THRAP3: variants seen among roughly 807,000 people sequenced by gnomAD.
THRAP3 encodes the protein thyroid hormone receptor-associated protein 3.
THRAP3 carries 16 observed loss-of-function variants against 101.0 expected under a neutral mutation model. The observed-to-expected ratio is 0.16, with a 90% CI of 0.11 to 0.24. THRAP3 has a LOEUF of 0.24. Ranked by LOEUF, THRAP3 falls within the 10% of genes least tolerant of loss-of-function variation. THRAP3 has a pLI of 1.00. For synonymous variants in THRAP3, 407 were observed against 422.6 expected (o/e 0.96, Z 0.45); for missense variants, 989 against 1,202.7 (o/e 0.82, Z 2.63).
Position 36,293,932 on chromosome 1 carries a change from C to T in THRAP3, c.2112C>T (p.Tyr704=), listed in dbSNP as rs774918390. 2.4e-5 allele frequency: 38 copies of T among 1,613,258 alleles called. No individual in the cohort carries two copies. In the Admixed American group the frequency reaches 3.8e-4, roughly 16 times the overall value. Residue 704 remains tyrosine, a synonymous_variant, in exon 8 of 12, where the codon TAC becomes TAT. Coordinates refer to ENST00000354618, the MANE Select transcript of THRAP3 (RefSeq NM_005119.4). ...DEMKSPREPG[Y]KAEGKYKDDP... Reference sequence around the variant, plus strand: ...TGAAAAGTCCCCGGGAACCTGGCTACAAGGTGAACTGTTGATTTGATCAGT... The same window carrying T: ...TGAAAAGTCCCCGGGAACCTGGCTATAAGGTGAACTGTTGATTTGATCAGT...
chr1:36,236,536 TC>T (rs1360428481), intron 1 of THRAP3, among the ~76,000 whole-genome samples: 1 of 151,734 alleles, frequency 6.6e-6, no homozygotes, highest in Non-Finnish European at 1.5e-5. Flanking sequence ...GCTTAACTGA[TC>T]CTCCCACTTC....
chr1:36,228,606 C>T (rs956192875), intron 1 of THRAP3, among the ~76,000 whole-genome samples: 3 of 152,054 alleles, frequency 2.0e-5, no homozygotes, highest in Non-Finnish European at 2.9e-5. Flanking sequence ...CCAACGGGCT[C>T]GGCCTTCTAA....
upstream of THRAP3, among the ~76,000 whole-genome samples, chr1:36,220,585 A>G (rs186970091): frequency 8.5e-4 from 129 of 152,256 alleles, no homozygotes; most frequent in Non-Finnish European, 1.4e-3. Context: ...GAATGAATAA[A>G]TGAACCCAGC....
chr1:36,284,596 T>C (rs1391358155), intron 3 of THRAP3, among the ~76,000 whole-genome samples: 1 of 152,230 alleles, frequency 6.6e-6, no homozygotes, highest in African/African-American at 2.4e-5. Flanking sequence ...GAAAATTGAT[T>C]ATTTCCTTGT....
rs1293309604 is a variant in THRAP3 at position 36,291,416 on chromosome 1, T to A, written c.1788T>A (p.Asp596Glu). Residue 596 changes from aspartate to glutamate, a missense_variant, in exon 6 of 12, where the codon GAT becomes GAA. By Grantham distance (45) the Asp-to-Glu change is conservative (BLOSUM62 2). Coordinates refer to ENST00000354618, the MANE Select transcript of THRAP3 (RefSeq NM_005119.4). ...CTCAGGAACGCAAGCTTTGCCGAGA[T>A]CTAGTCCATAGCAACAAAAAGGAAC... The part of the protein sequence containing the change: ...LLAQERKLCR[D>E]LVHSNKKEQE... The A allele has an allele frequency of 6.2e-7, 1 of 1,614,080 alleles. No homozygotes were observed. The highest frequency in any genetic ancestry group is 1.3e-5 in the African/African-American group (1 of 74,942).
At chr1:36,241,578 T>A (rs889113037) in intron 1 of THRAP3, among the ~76,000 whole-genome samples, 6 of 125,826 alleles carry the variant, frequency 4.8e-5, no homozygotes, top group East Asian at 2.2e-4. Flanking sequence ...TCCGCTAAAA[T>A]TTTTTTTTTT....
intron 2 of THRAP3, among the ~76,000 whole-genome samples, chr1:36,272,985 TGTGAA>T (rs765997166): frequency 1.3e-5 from 2 of 152,358 alleles, no homozygotes; most frequent in Non-Finnish European, 2.9e-5. Flanking sequence ...TGTTCCTTCT[TGTGAA>T]GAGAATGGAG....
At chr1:36,210,344 C>T in the THRAP3 span, among the ~76,000 whole-genome samples, 476 of 131,978 alleles carry the variant, frequency 3.6e-3, 3 homozygotes, top group African/African-American at 0.013. Context: ...CCAGCTTGGG[C>T]GACAGAGCGA....
chr1:36,289,828 C>T, intron 5 of THRAP3, 64 bp downstream of exon 5: 4 of 1,519,374 alleles, frequency 2.6e-6, no homozygotes, highest in Non-Finnish European at 3.5e-6. Flanking sequence ...CCTAGCCTTT[C>T]TCCCTGGGGA....
At chr1:36,257,839 T>C (rs1485481307) in intron 1 of THRAP3, among the ~76,000 whole-genome samples, 1 of 152,132 alleles carries the variant, frequency 6.6e-6, no homozygotes, top group Non-Finnish European at 1.5e-5. Flanking sequence ...TTGGAATAGA[T>C]TGTGTTTTTT....
upstream of THRAP3, among the ~76,000 whole-genome samples, chr1:36,219,622 G>T (rs906603113): frequency 6.6e-5 from 10 of 151,544 alleles, no homozygotes; most frequent in African/African-American, 1.9e-4. Context: ...TAGAGACGGG[G>T]TTTCACCACA....
chr1:36,220,450 C>A (rs1644896171), upstream of THRAP3, among the ~76,000 whole-genome samples: 1 of 151,166 alleles, frequency 6.6e-6, no homozygotes, highest in Admixed American at 6.6e-5. Context: ...CTGAGGTGGA[C>A]TGATTACTTG....
intron 2 of THRAP3, among the ~76,000 whole-genome samples, chr1:36,276,949 C>T (rs1645668646): frequency 6.6e-6 from 1 of 151,994 alleles, no homozygotes; most frequent in Non-Finnish European, 1.5e-5. Flanking sequence ...GACTTGTATC[C>T]ACACTTTTTT....
intron 2 of THRAP3, among the ~76,000 whole-genome samples, chr1:36,276,750 G>A (rs1226458445): frequency 2.0e-5 from 3 of 151,508 alleles, no homozygotes; most frequent in South Asian, 2.1e-4. Context: ...CCAGCTACTC[G>A]AGAGGCTGAG....
rs766013848 is a variant in THRAP3, at chr1:36,259,424, C to T, written c.-92C>T. The stretch of plus-strand genomic sequence containing the variant: ...TAAAGTGAAGAAGCCAGTGGTGCTG[C>T]GGGTGTTCTTTTGGGGTAGTGTCTG... On this transcript the variant is annotated 5_prime_UTR_variant, in exon 2 of 12. Transcript: ENST00000354618. 51 of 398,444 alleles carry T rather than the reference C, an allele frequency of 1.3e-4. No individual in the cohort carries two copies. The Middle Eastern group carries it at 1.9e-3, about 15-fold the overall frequency. The allele number at this position is 398,444 out of a possible 1,614,324, so 24.7% of individuals were successfully genotyped here.
intron 1 of THRAP3, among the ~76,000 whole-genome samples, chr1:36,228,928 A>T (rs570130309): frequency 1.3e-5 from 2 of 152,218 alleles, no homozygotes; most frequent in Admixed American, 6.6e-5. Flanking sequence ...TGACCCCAGG[A>T]GTTCAAGGTA....
intron 2 of THRAP3, among the ~76,000 whole-genome samples, chr1:36,261,122 G>A (rs763809408): frequency 2.6e-5 from 4 of 152,148 alleles, no homozygotes; most frequent in Non-Finnish European, 4.4e-5. Context: ...CTTGGGCTAA[G>A]CGCAGTAGCT....
intron 2 of THRAP3, among the ~76,000 whole-genome samples, chr1:36,268,112 G>A (rs1376236478): frequency 4.6e-5 from 7 of 151,952 alleles, no homozygotes; most frequent in Non-Finnish European, 1.5e-5. Context: ...CCCAAGAGGT[G>A]AAGATTGTAG....
At chr1:36,258,168 G>T (rs1483193649) in intron 1 of THRAP3, among the ~76,000 whole-genome samples, 1 of 152,160 alleles carries the variant, frequency 6.6e-6, no homozygotes, top group Non-Finnish European at 1.5e-5. Flanking sequence ...AATTCAACAT[G>T]TTACAGCATA....
Sources: allele counts gnomAD v4.1 joint callset (sites outside exome capture counted in the v4.1 genomes callset), GRCh38; gene constraint gnomAD v4.1.1; transcripts MANE v1.5; gene names NCBI Gene and HGNC (gene_info 2026-07-23, HGNC 2026-07-21).